The following TOP1 variants were observed in gnomAD, a reference collection of about 807,000 sequenced individuals.
TOP1 encodes DNA topoisomerase I.
TOP1 carries 10 observed loss-of-function variants against 111.1 expected under a neutral mutation model. The observed-to-expected ratio is 0.09, with a 90% confidence interval of 0.06 to 0.15. The LOEUF (loss-of-function observed/expected upper bound fraction) is 0.15. Ranked by LOEUF, TOP1 falls within the 10% of genes least tolerant of loss-of-function variation. TOP1 has a pLI of 1.00. For missense variants in TOP1, 474 were observed against 926.7 expected (o/e 0.51, Z 6.34); for synonymous variants, 271 against 302.9 (o/e 0.89, Z 1.10).
chr20:41,113,831 C>A (rs1600600990), intron 14 of TOP1, 139 bp from the exon 15 acceptor site: 1 of 595,730 alleles, frequency 1.7e-6, no homozygotes, highest in Non-Finnish European at 2.7e-6. Context: ...TGCAGTGAGC[C>A]AAAATTGCGC....
chr20:41,086,262 C>CAA lies in TOP1; in HGVS notation c.614+1707_614+1708dup, dbSNP rs561307231. Among the ~76,000 whole-genome samples the CAA allele has an allele frequency of 1.0e-3, 98 of 93,532 alleles. 1 individual carries two copies. The highest frequency in any genetic ancestry group is 2.1e-3 in the East Asian group (6 of 2,854). The allele number at this position is 93,532 out of a possible 152,430, so 61.4% of individuals were successfully genotyped here. A position where few individuals can be genotyped will look rare whatever the true frequency, so the allele number is the denominator to read the frequency against. On this transcript the variant is annotated intron_variant, in intron 8 of 20. Transcript: ENST00000361337. ...TGGGCGACAGAGCGAGACTCTGTCT[C>CAA]AAAAAAAAAAAAAAGAAAAAAAACC...
At chr20:41,070,270 T>A (rs1288713193) in intron 3 of TOP1, among the ~76,000 whole-genome samples, 1 of 152,166 alleles carries the variant, frequency 6.6e-6, no homozygotes, top group Non-Finnish European at 1.5e-5. Context: ...TTAGAATGGG[T>A]ATCGGTTTTG....
At chr20:41,073,035 C>G (rs1568685179) in intron 3 of TOP1, 2 of 985,222 alleles carry the variant, frequency 2.0e-6, no homozygotes, top group Non-Finnish European at 1.2e-6. Context: ...ACATCTCTTT[C>G]TGGTTAGCAG....
In TOP1 at chr20:41,067,100, T is replaced by C. The variant is rs559039285; in HGVS notation, c.155+5610T>C. ...CCTCTTTGCAACAAAGCAAGGATAT[T>C]GGTTATATTCCAGTAAAATTATTTT... On this transcript the variant is annotated intron_variant, in intron 3 of 20. Coordinates refer to ENST00000361337, the MANE Select transcript of TOP1 (RefSeq NM_003286.4). This position sits in a 1 kb window ranked among gnomAD's most constrained non-coding sequence, Gnocchi z 4.0. 9.2e-5 allele frequency among the ~76,000 whole-genome samples: 14 copies of C among 152,262 alleles called. No homozygotes were observed. The South Asian group carries it at 2.9e-3, about 32-fold the overall frequency.
Position 41,081,160 on chromosome 20 carries a change from T to TC in TOP1, c.432-4dup, listed in dbSNP as rs1261778554. ...TTAACTGTGTATTCATGTTCCCCTT[T>TC]CTAGTGCTGATTATAAACCTAAGAA... On this transcript the variant is annotated splice_region_variant and splice_polypyrimidine_tract_variant and intron_variant, in intron 6 of 20. Transcript: ENST00000361337. 1 of 1,594,034 alleles carries TC rather than the reference T, an allele frequency of 6.3e-7. No individual in the cohort carries two copies. Among genetic ancestry groups the TC allele is most frequent in the East Asian group, 2.2e-5 (1 of 44,484 alleles).
chr20:41,100,350 C>G lies in TOP1; in HGVS notation c.1163+107C>G. 1.1e-6 allele frequency: 1 copy of G among 913,614 alleles called. No homozygotes were observed. The allele number at this position is 913,614 out of a possible 1,614,324, so 56.6% of individuals were successfully genotyped here. ...ACAGGACTGTTTGGGAAGGGAGATA[C>G]TTAAGAGCAGGACAGTATTTCATGC... On this transcript the variant is annotated intron_variant, in intron 12 of 20. Coordinates refer to ENST00000361337, the MANE Select transcript of TOP1 (RefSeq NM_003286.4). This position sits in a 1 kb window ranked among gnomAD's most constrained non-coding sequence, Gnocchi z 4.4.
chr20:41,092,359 G>A lies in TOP1; in HGVS notation c.615-113G>A, dbSNP rs2033930367. ...CAGGCCTTGAATGTGAGGCCCAGAA[G>A]TCATTCCAGAGCACTAATCAGTTGA... On this transcript the variant is annotated intron_variant, in intron 8 of 20. Transcript: ENST00000361337. This position sits in a 1 kb window ranked among gnomAD's most constrained non-coding sequence, Gnocchi z 4.3. 1.9e-6 allele frequency: 1 copy of A among 521,024 alleles called. No individual in the cohort carries two copies. The highest frequency in any genetic ancestry group is 2.0e-5 in the African/African-American group (1 of 50,654). 32.3% of individuals were successfully genotyped at this position (521,024 alleles called of 1,614,324 possible). A position where few individuals can be genotyped will look rare whatever the true frequency, so the allele number is the denominator to read the frequency against.
chr20:41,028,898 G>C lies in TOP1; in HGVS notation c.-170G>C. The C allele has an allele frequency of 1.7e-6, 1 of 574,178 alleles. No homozygotes were observed. The highest frequency in any genetic ancestry group is 3.0e-6 in the Non-Finnish European group (1 of 329,406). 35.6% of individuals were successfully genotyped at this position (574,178 alleles called of 1,614,324 possible). A position where few individuals can be genotyped will look rare whatever the true frequency, so the allele number is the denominator to read the frequency against. ...CGCCCGGCAGTCAGGCAGCGTCGCC[G>C]CCGTGGTAGCAGCCTCAGCCGTTTC... is the stretch of plus-strand genomic sequence containing the variant. On this transcript the variant is annotated 5_prime_UTR_variant, in exon 1 of 21. Coordinates refer to ENST00000361337, the MANE Select transcript of TOP1 (RefSeq NM_003286.4).
intron 3 of TOP1, among the ~76,000 whole-genome samples, chr20:41,063,921 C>T: frequency 6.6e-6 from 1 of 151,976 alleles, no homozygotes; most frequent in African/African-American, 2.4e-5. Context: ...TAATTAGATC[C>T]CATTTGTCAA....
chr20:41,085,040 T>C (rs901098725), intron 8 of TOP1, among the ~76,000 whole-genome samples: 1 of 148,952 alleles, frequency 6.7e-6, no homozygotes, highest in South Asian at 2.1e-4. Flanking sequence ...ATTTGATACA[T>C]CAAAGTTCAA....
At chr20:41,063,013 C>G (rs2033564390) in intron 3 of TOP1, among the ~76,000 whole-genome samples, 2 of 152,086 alleles carry the variant, frequency 1.3e-5, no homozygotes, top group Non-Finnish European at 2.9e-5. Context: ...AGCTGTGATG[C>G]TGAGGTTTGG....
chr20:41,117,380 A>ATTTTT (rs1192075214), intron 17 of TOP1, among the ~76,000 whole-genome samples: 39 of 85,526 alleles, frequency 4.6e-4, no homozygotes, highest in African/African-American at 5.4e-4. Context: ...CTGTGGCTTA[A>ATTTTT]TTTTTTTTTT....
At position 41,097,223 on chromosome 20, in the gene TOP1, A is replaced by G; in HGVS notation, c.734A>G (p.Lys245Arg). 6.2e-7 allele frequency: 1 copy of G among 1,613,744 alleles called. No individual in the cohort carries two copies. The change falls in exon 10 of 21, where the codon AAA becomes AGA. Residue 245 changes from lysine (K) to arginine (R), a missense_variant. Transcript: ENST00000361337. The surrounding 1 kb of genome is among the most constrained non-coding windows in gnomAD (Gnocchi z 4.2). Reference sequence around the variant, plus strand: ...TTGGAACCACTTTTTTCTCTAGGTAAAGTCATGAAGCTGAGCCCCAAAGCA... The same window carrying G: ...TTGGAACCACTTTTTTCTCTAGGTAGAGTCATGAAGCTGAGCCCCAAAGCA... The part of the protein sequence containing the change: ...PENVKFYYDG[K>R]VMKLSPKAEE...
intron 13 of TOP1, among the ~76,000 whole-genome samples, chr20:41,103,031 G>A (rs539028704): frequency 6.6e-6 from 1 of 152,200 alleles, no homozygotes; most frequent in South Asian, 2.1e-4. Context: ...TGAGGATAGG[G>A]GTTGAGAAAA....
At position 41,061,209 on chromosome 20, in the gene TOP1, G is replaced by C. The variant is rs928078705; in HGVS notation, c.59-185G>C. Among the ~76,000 whole-genome samples the C allele has an allele frequency of 1.3e-5, 2 of 152,110 alleles. No homozygotes were observed. Among genetic ancestry groups the C allele is most frequent in the Non-Finnish European group, 2.9e-5 (2 of 68,020 alleles). On this transcript the variant is annotated intron_variant, in intron 2 of 20. Transcript: ENST00000361337. The surrounding 1 kb of genome is among the most constrained non-coding windows in gnomAD (Gnocchi z 4.6). ...ATATTAGTAACTTGTCTTGATTGTA[G>C]AAGCAGGCTAATGGGAGCTTTGTCT... is the stretch of plus-strand genomic sequence containing the variant.
At chr20:41,059,788 C>T (rs1030665998) in intron 2 of TOP1, among the ~76,000 whole-genome samples, 1 of 152,052 alleles carries the variant, frequency 6.6e-6, no homozygotes, top group Non-Finnish European at 1.5e-5. Context: ...ATTCACAGTT[C>T]GTATAGCTAA....
intron 11 of TOP1, among the ~76,000 whole-genome samples, chr20:41,099,404 G>A (rs2034027414): frequency 6.6e-6 from 1 of 152,122 alleles, no homozygotes; most frequent in Non-Finnish European, 1.5e-5. Context: ...CCTTGTCAGA[G>A]CCTCTGCCAA....
At chr20:41,064,805 A>G (rs1274735024) in intron 3 of TOP1, among the ~76,000 whole-genome samples, 1 of 151,688 alleles carries the variant, frequency 6.6e-6, no homozygotes, top group Non-Finnish European at 1.5e-5. Flanking sequence ...TTGTGTCTTT[A>G]CTTTTCCCTA....
chr20:41,118,325 G>C lies in TOP1; in HGVS notation c.1950+29G>C, dbSNP rs958546796. 1 of 1,612,350 alleles carries C rather than the reference G, an allele frequency of 6.2e-7. No individual in the cohort carries two copies. Among genetic ancestry groups the C allele is most frequent in the Admixed American group, 1.7e-5 (1 of 59,888 alleles). ...TCTTGGATAAAATGAAGGGAACTGT[G>C]TCTGCTGTGGGCAGATTATCTGCGA... On this transcript the variant is annotated intron_variant, in intron 18 of 20. Coordinates refer to ENST00000361337, the MANE Select transcript of TOP1 (RefSeq NM_003286.4). The surrounding 1 kb of genome is among the most constrained non-coding windows in gnomAD (Gnocchi z 4.6).
Sources: gnomAD v4.1 joint callset for allele counts (sites outside exome capture counted in the v4.1 genomes callset) on GRCh38, gnomAD v4.1.1 for gene constraint, Gnocchi (gnomAD v3.1) non-coding constraint, MANE v1.5 for transcripts, NCBI Gene and HGNC (gene_info 2026-07-23, HGNC 2026-07-21) for gene names.